STK39: variants seen among roughly 807,000 people sequenced by gnomAD.
STK39 encodes the protein STE20/SPS1-related proline-alanine-rich protein kinase.
STK39 carries 20 observed loss-of-function variants against 77.8 expected under a neutral mutation model. The observed-to-expected ratio is 0.26, with a 90% confidence interval of 0.18 to 0.37. The LOEUF (loss-of-function observed/expected upper bound fraction) is 0.37. Among genes scored for constraint, STK39 ranks in the 10% least tolerant of loss-of-function variants. The pLI is 1.00. For missense variants in STK39, 479 were observed against 656.5 expected (o/e 0.73, Z 2.95); for synonymous variants, 246 against 234.1 (o/e 1.05, Z -0.47).
intron 7 of STK39, among the ~76,000 whole-genome samples, chr2:168,139,408 T>TTATTTATATATATATA (rs1553532932): frequency 8.3e-5 from 12 of 144,528 alleles, no homozygotes; most frequent in Admixed American, 7.5e-4. Context: ...TAAAAAAAAT[T>TTATTTATATATATATA]TATATATATA....
intron 7 of STK39, 43 bp from the exon 8 acceptor site, chr2:168,138,264 A>G (rs1439056259): frequency 6.3e-7 from 1 of 1,581,574 alleles, no homozygotes; most frequent in South Asian, 1.1e-5. Flanking sequence ...CAGTATAGCA[A>G]TTGCTACAAT....
At chr2:168,205,260 G>A (rs966252367) in intron 1 of STK39, among the ~76,000 whole-genome samples, 1 of 152,122 alleles carries the variant, frequency 6.6e-6, no homozygotes, top group Non-Finnish European at 1.5e-5. Context: ...ATTAAAACCA[G>A]TTATAAAACA....
chr2:168,031,122 G>A (rs1299319490), intron 14 of STK39, among the ~76,000 whole-genome samples: 1 of 152,172 alleles, frequency 6.6e-6, no homozygotes, highest in Non-Finnish European at 1.5e-5. Context: ...GCCTGCCCTG[G>A]AGAAGAGCGG....
chr2:168,229,709 T>C (rs1253643775), intron 1 of STK39, among the ~76,000 whole-genome samples: 1 of 152,234 alleles, frequency 6.6e-6, no homozygotes, highest in Non-Finnish European at 1.5e-5. Context: ...ATCTAGCTCA[T>C]GACTTGTAGG....
At position 168,229,271 on chromosome 2, in the gene STK39, G is replaced by A. The variant is rs6715769; in HGVS notation, c.208+17957C>T. 9.9e-3 allele frequency among the ~76,000 whole-genome samples: 1,502 copies of A among 151,704 alleles called. 23 individuals are homozygous for A. The highest frequency in any genetic ancestry group is 0.035 in the African/African-American group (1,435 of 41,366). ...TAGTGGCAGGTGCCTTATAATCCCA[G>A]CTACTCCAGAGGCTGAGGCAGGAGA... is the stretch of plus-strand genomic sequence containing the variant. On this transcript the variant is annotated intron_variant, in intron 1 of 17. Transcript: ENST00000355999.
At chr2:167,971,784 A>C (rs1384160577) in intron 16 of STK39, among the ~76,000 whole-genome samples, 1 of 152,202 alleles carries the variant, frequency 6.6e-6, no homozygotes, top group African/African-American at 2.4e-5. Context: ...AATGGGGTAC[A>C]TTTTACCTGA....
intron 1 of STK39, among the ~76,000 whole-genome samples, chr2:168,235,016 C>T (rs1216901265): frequency 6.7e-6 from 1 of 150,248 alleles, no homozygotes; most frequent in Non-Finnish European, 1.5e-5. Flanking sequence ...TTTAGTAGTA[C>T]CTTAAAATTT....
At chr2:167,980,072 T>A (rs1368359946) in intron 16 of STK39, among the ~76,000 whole-genome samples, 1 of 152,162 alleles carries the variant, frequency 6.6e-6, no homozygotes, top group Non-Finnish European at 1.5e-5. Flanking sequence ...TCACAACCAC[T>A]GTTGAGGGGA....
chr2:168,066,882 G>C (rs1037773531), intron 12 of STK39, among the ~76,000 whole-genome samples: 1 of 152,216 alleles, frequency 6.6e-6, no homozygotes, highest in Admixed American at 6.5e-5. Context: ...GGACAGGGAG[G>C]GAATACAGTT....
chr2:168,216,964 T>C (rs1304613261), intron 1 of STK39, among the ~76,000 whole-genome samples: 1 of 152,132 alleles, frequency 6.6e-6, no homozygotes, highest in Non-Finnish European at 1.5e-5. Flanking sequence ...GGGGCGCTGG[T>C]TGGAATATGG....
intron 2 of STK39, among the ~76,000 whole-genome samples, chr2:168,176,338 C>A (rs1314177927): frequency 6.6e-6 from 1 of 151,702 alleles, no homozygotes; most frequent in African/African-American, 2.4e-5. Flanking sequence ...AAAAAAAAAA[C>A]CTTCTGACTG....
intron 10 of STK39, among the ~76,000 whole-genome samples, chr2:168,101,918 C>T (rs912705377): frequency 6.6e-6 from 1 of 152,102 alleles, no homozygotes; most frequent in Non-Finnish European, 1.5e-5. Context: ...AAACTCCTAT[C>T]CCCATTAGCA....
intron 14 of STK39, among the ~76,000 whole-genome samples, chr2:168,022,395 C>G (rs1462347854): frequency 2.0e-5 from 3 of 152,146 alleles, no homozygotes; most frequent in Non-Finnish European, 4.4e-5. Context: ...ATTGCAGGAA[C>G]TTTGAATAAA....
chr2:168,241,459 G>C (rs149981687), intron 1 of STK39, among the ~76,000 whole-genome samples: 2 of 152,196 alleles, frequency 1.3e-5, no homozygotes, highest in Non-Finnish European at 2.9e-5. Flanking sequence ...CTTGTCAGAG[G>C]GCCATTTGGC....
At chr2:168,234,856 C>T (rs1351274471) in intron 1 of STK39, among the ~76,000 whole-genome samples, 1 of 151,804 alleles carries the variant, frequency 6.6e-6, no homozygotes, top group Non-Finnish European at 1.5e-5. Flanking sequence ...CATATTTTTA[C>T]TCTATTGAGT....
chr2:167,976,313 G>C (rs369497882), intron 16 of STK39, among the ~76,000 whole-genome samples: 2 of 152,154 alleles, frequency 1.3e-5, no homozygotes, highest in East Asian at 3.9e-4. Context: ...TATTAAGAGG[G>C]AGATCTGATC....
intron 12 of STK39, among the ~76,000 whole-genome samples, chr2:168,070,433 T>C (rs1027128667): frequency 4.0e-5 from 6 of 151,766 alleles, no homozygotes; most frequent in African/African-American, 1.2e-4. Flanking sequence ...TGACTAATAC[T>C]TCGATATTTC....
At chr2:168,168,800 A>C (rs1266860150) in intron 2 of STK39, among the ~76,000 whole-genome samples, 1 of 152,184 alleles carries the variant, frequency 6.6e-6, no homozygotes, top group Non-Finnish European at 1.5e-5. Flanking sequence ...AGACCAGCCC[A>C]GCCAACATGA....
chr2:168,053,362 A>T (rs1685445173), intron 14 of STK39, among the ~76,000 whole-genome samples: 1 of 152,180 alleles, frequency 6.6e-6, no homozygotes, highest in Non-Finnish European at 1.5e-5. Context: ...ATAATAAAAT[A>T]AAAAGTTTAT....
Sources: allele counts gnomAD v4.1 joint callset (sites outside exome capture counted in the v4.1 genomes callset), GRCh38; gene constraint gnomAD v4.1.1; transcripts MANE v1.5; gene names NCBI Gene and HGNC (gene_info 2026-07-23, HGNC 2026-07-21).